NRXN1: variants seen among roughly 807,000 people sequenced by gnomAD.
The protein encoded by NRXN1 is neurexin-1.
In NRXN1, 39 loss-of-function variants were observed where a neutral mutation model predicts 150.9. The observed-to-expected ratio is 0.26, with a 90% CI of 0.20 to 0.34. The LOEUF (loss-of-function observed/expected upper bound fraction) is 0.34, where lower values mean the gene tolerates loss of function less well. Ranked by LOEUF, NRXN1 falls within the 10% of genes least tolerant of loss-of-function variation. NRXN1 has a pLI of 1.00. For missense variants in NRXN1, 1,815 were observed against 1,949.9 expected (o/e 0.93, Z 1.30); for synonymous variants, 924 against 757.0 (o/e 1.22, Z -3.62).
intron 8 of NRXN1, among the ~76,000 whole-genome samples, chr2:50,571,813 A>C (rs1471912704): frequency 6.6e-6 from 1 of 152,088 alleles, no homozygotes; most frequent in Non-Finnish European, 1.5e-5. Flanking sequence ...TTGGGGGAAA[A>C]GCTTAGAAAA....
chr2:50,558,464 G>A (rs1668564250), intron 8 of NRXN1, among the ~76,000 whole-genome samples: 1 of 152,128 alleles, frequency 6.6e-6, no homozygotes, highest in South Asian at 2.1e-4. Flanking sequence ...CTAAATACCA[G>A]TATTTTTCCT....
At chr2:49,972,743 A>C (rs1678171539) in intron 21 of NRXN1, 1 of 152,180 alleles carries the variant, frequency 6.6e-6, no homozygotes, top group South Asian at 2.1e-4. Flanking sequence ...TATCTAATTT[A>C]ATGAAAATAG....
intron 19 of NRXN1, among the ~76,000 whole-genome samples, chr2:50,056,769 T>G (rs1275567158): frequency 6.6e-6 from 1 of 152,192 alleles, no homozygotes; most frequent in East Asian, 1.9e-4. Context: ...TTTTATATAA[T>G]AAGCATGTTT....
chr2:50,902,792 G>T (rs1309733658), intron 5 of NRXN1, among the ~76,000 whole-genome samples: 1 of 152,046 alleles, frequency 6.6e-6, no homozygotes, highest in Non-Finnish European at 1.5e-5. Flanking sequence ...GAAGTCAAAT[G>T]TCATTGTCCC....
chr2:50,052,983 C>T (rs1168627434), intron 21 of NRXN1, among the ~76,000 whole-genome samples: 1 of 152,120 alleles, frequency 6.6e-6, no homozygotes, highest in Non-Finnish European at 1.5e-5. Context: ...ATGTAATTAG[C>T]AGACGATCTA....
At chr2:50,904,559 G>C (rs2103994710) in intron 5 of NRXN1, among the ~76,000 whole-genome samples, 1 of 152,218 alleles carries the variant, frequency 6.6e-6, no homozygotes, top group South Asian at 2.1e-4. Context: ...CCTTTTCTGT[G>C]CTAGAGCTAA....
intron 18 of NRXN1, among the ~76,000 whole-genome samples, chr2:50,187,644 C>G (rs1376049430): frequency 6.6e-6 from 1 of 152,026 alleles, no homozygotes; most frequent in Non-Finnish European, 1.5e-5. Context: ...TCAATGGTAG[C>G]TTCATGGGGA....
At chr2:50,002,145 CT>C (rs1684052187) in intron 21 of NRXN1, among the ~76,000 whole-genome samples, 1 of 152,130 alleles carries the variant, frequency 6.6e-6, no homozygotes, top group African/African-American at 2.4e-5. Context: ...AAGCAGAGGA[CT>C]TAGTTAACCT....
intron 18 of NRXN1, among the ~76,000 whole-genome samples, chr2:50,146,465 T>C (rs1229547227): frequency 1.3e-5 from 2 of 151,826 alleles, no homozygotes; most frequent in African/African-American, 4.8e-5. Context: ...AAAGAAAATA[T>C]GGCACACATT....
At chr2:50,270,733 G>A (rs1007352282) in intron 17 of NRXN1, among the ~76,000 whole-genome samples, 3 of 150,378 alleles carry the variant, frequency 2.0e-5, no homozygotes, top group African/African-American at 4.9e-5. Context: ...GCAGTGGTGC[G>A]ATCTCAGCTC....
At chr2:50,649,251 T>TACAC (rs200495160) in intron 5 of NRXN1, among the ~76,000 whole-genome samples, 4 of 79,648 alleles carry the variant, frequency 5.0e-5, no homozygotes, top group African/African-American at 9.0e-5. Context: ...TATACACACA[T>TACAC]ACACACATAC....
chr2:50,333,441 A>T (rs978211407), intron 17 of NRXN1, among the ~76,000 whole-genome samples: 6 of 152,146 alleles, frequency 3.9e-5, no homozygotes, highest in Non-Finnish European at 8.8e-5. Flanking sequence ...AAATGAACCA[A>T]ACATCTCCCC....
intron 5 of NRXN1, among the ~76,000 whole-genome samples, chr2:50,915,194 T>C (rs977273954): frequency 7.9e-5 from 12 of 151,640 alleles, no homozygotes; most frequent in Non-Finnish European, 1.6e-4. Flanking sequence ...TATATGTTAT[T>C]TTTCCAATAT....
At chr2:51,021,092 T>C (rs957880635) in intron 2 of NRXN1, among the ~76,000 whole-genome samples, 8 of 151,982 alleles carry the variant, frequency 5.3e-5, no homozygotes, top group African/African-American at 1.9e-4. Flanking sequence ...CACAAAATTA[T>C]AGAGAAGTAC....
intron 8 of NRXN1, among the ~76,000 whole-genome samples, chr2:50,567,001 T>A (rs1304043999): frequency 2.6e-5 from 4 of 152,100 alleles, no homozygotes; most frequent in Admixed American, 2.6e-4. Flanking sequence ...AAAAATAATA[T>A]TAATAATAAT....
rs138414903 is a variant in NRXN1, at chr2:50,145,872, A to G, written c.3547-54378T>C. Among the ~76,000 whole-genome samples the G allele has an allele frequency of 8.1e-3, 1,224 of 151,772 alleles. 8 individuals carry two copies. The highest frequency in any genetic ancestry group is 0.014 in the Non-Finnish European group (964 of 67,762). On this transcript the variant is annotated intron_variant, in intron 18 of 22. Coordinates refer to ENST00000401669, the MANE Select transcript of NRXN1 (RefSeq NM_001330078.2). Reference sequence around the variant, plus strand: ...CAGCTCAATTGATTTTTACTTCTTCATAAGTTACCTAAGTGCTATGGATAG... The same window carrying G: ...CAGCTCAATTGATTTTTACTTCTTCGTAAGTTACCTAAGTGCTATGGATAG...
At chr2:50,417,563 G>C (rs2083636537) in intron 17 of NRXN1, among the ~76,000 whole-genome samples, 1 of 151,736 alleles carries the variant, frequency 6.6e-6, no homozygotes, top group African/African-American at 2.4e-5. Flanking sequence ...GATTTGCACT[G>C]TGCTTGGTCC....
chr2:50,257,476 G>A (rs1449245724), intron 17 of NRXN1, among the ~76,000 whole-genome samples: 2 of 152,168 alleles, frequency 1.3e-5, no homozygotes, highest in Admixed American at 1.3e-4. Flanking sequence ...CACCTTTTGA[G>A]ATTTAAATCT....
intron 5 of NRXN1, among the ~76,000 whole-genome samples, chr2:50,869,764 G>A (rs1677484230): frequency 6.6e-6 from 1 of 151,724 alleles, no homozygotes; most frequent in Non-Finnish European, 1.5e-5. Flanking sequence ...ACATCCTTGT[G>A]TCCACCAAAA....
Sources: gnomAD v4.1 joint callset for allele counts (sites outside exome capture counted in the v4.1 genomes callset) on GRCh38, gnomAD v4.1.1 for gene constraint, MANE v1.5 for transcripts, NCBI Gene and HGNC (gene_info 2026-07-23, HGNC 2026-07-21) for gene names.